TBCA: variants seen among roughly 807,000 people sequenced by gnomAD.
The protein encoded by TBCA is tubulin folding cofactor A.
Under a neutral mutation model 15.8 loss-of-function variants are expected in TBCA, and 6 were observed. That is an observed-to-expected ratio of 0.38 (90% CI 0.21 to 0.75). TBCA has a LOEUF of 0.75. Ranked by LOEUF, TBCA falls within the 30% of genes least tolerant of loss-of-function variation. The pLI is 0.46. For synonymous variants in TBCA, 32 were observed against 42.3 expected (o/e 0.76, Z 0.94); for missense variants, 90 against 131.2 (o/e 0.69, Z 1.53).
chr5:77,744,107 G>A (rs144800173), intron 1 of TBCA, among the ~76,000 whole-genome samples: 5 of 152,222 alleles, frequency 3.3e-5, no homozygotes, highest in East Asian at 3.9e-4. Flanking sequence ...CCTCCCAAAT[G>A]TAACATACTG....
In TBCA at chr5:77,715,293, G is replaced by A. The variant is rs1022250205; in HGVS notation, c.54-6946C>T. ...CCAAGAAAAGAAGCCATGAAACCAGGAAGTCCTTGTCAACATAATCCCTAA... is the reference window on the plus strand; with the variant it reads ...CCAAGAAAAGAAGCCATGAAACCAGAAAGTCCTTGTCAACATAATCCCTAA... On this transcript the variant is annotated intron_variant, in intron 1 of 3. Transcript: ENST00000380377. The A allele has an allele frequency of 2.4e-5, 17 of 702,186 alleles. No homozygotes were observed. In the Admixed American group the frequency reaches 2.8e-4, roughly 12 times the overall value. The allele number at this position is 702,186 out of a possible 1,614,324, so 43.5% of individuals were successfully genotyped here. A position where few individuals can be genotyped will look rare whatever the true frequency, so the allele number is the denominator to read the frequency against.
chr5:77,715,963 T>C (rs1402843705), intron 1 of TBCA, among the ~76,000 whole-genome samples: 2 of 152,192 alleles, frequency 1.3e-5, no homozygotes, highest in Admixed American at 6.5e-5. Context: ...AAACGAACAG[T>C]ATATTTAAGA....
At chr5:77,766,312 C>T (rs73141715) in intron 1 of TBCA, among the ~76,000 whole-genome samples, 7,441 of 152,124 alleles carry the variant, frequency 0.049, 489 homozygotes, top group African/African-American at 0.15. Context: ...CCACAATAGA[C>T]TAGTCTCTTC....
intron 1 of TBCA, among the ~76,000 whole-genome samples, chr5:77,714,567 T>C (rs986807841): frequency 2.4e-5 from 3 of 122,586 alleles, no homozygotes; most frequent in Non-Finnish European, 5.4e-5. Flanking sequence ...ATTACTATTA[T>C]TATTATTATT....
chr5:77,745,428 C>A (rs1747163897), intron 1 of TBCA, among the ~76,000 whole-genome samples: 1 of 152,132 alleles, frequency 6.6e-6, no homozygotes, highest in Non-Finnish European at 1.5e-5. Flanking sequence ...AAATTAGTCA[C>A]AACTTTAGTT....
intron 2 of TBCA, among the ~76,000 whole-genome samples, chr5:77,706,807 T>TC (rs1202364844): frequency 1.1e-5 from 1 of 94,890 alleles, no homozygotes; most frequent in African/African-American, 4.5e-5. Context: ...CAAGACTCCA[T>TC]CTTAAAAAAA....
chr5:77,754,127 G>A (rs775366996), intron 1 of TBCA, among the ~76,000 whole-genome samples: 11 of 152,056 alleles, frequency 7.2e-5, no homozygotes, highest in Non-Finnish European at 1.0e-4. Flanking sequence ...CAGCATGTCT[G>A]GACTCTATGG....
At chr5:77,703,945 A>C (rs1270092173) in intron 2 of TBCA, among the ~76,000 whole-genome samples, 1 of 151,980 alleles carries the variant, frequency 6.6e-6, no homozygotes, top group Non-Finnish European at 1.5e-5. Context: ...ATGAGATCAG[A>C]GGGTTTCAAA....
intron 2 of TBCA, among the ~76,000 whole-genome samples, chr5:77,693,966 A>G (rs576785687): frequency 6.6e-6 from 1 of 152,354 alleles, no homozygotes; most frequent in East Asian, 1.9e-4. Context: ...AAGGCTATTT[A>G]AAATAAACTA....
intron 2 of TBCA, among the ~76,000 whole-genome samples, chr5:77,706,810 TAAAA>T (rs370852221): frequency 9.2e-6 from 1 of 108,444 alleles, no homozygotes; most frequent in Non-Finnish European, 1.8e-5. Context: ...GACTCCATCT[TAAAA>T]AAAAAAAAAA....
rs761180601 is a variant in TBCA at position 77,714,572 on chromosome 5, A to ATTTTT, written c.54-6226_54-6225insAAAAA. Among the ~76,000 whole-genome samples, 525 of 126,886 alleles carry ATTTTT rather than the reference A, an allele frequency of 4.1e-3. 1 individual carries two copies. The highest frequency in any genetic ancestry group is 5.6e-3 in the Non-Finnish European group (302 of 54,394). 83.2% of individuals were successfully genotyped at this position (126,886 alleles called of 152,430 possible). A position where few individuals can be genotyped will look rare whatever the true frequency, so the allele number is the denominator to read the frequency against. On this transcript the variant is annotated intron_variant, in intron 1 of 3. Transcript: ENST00000380377. ...CTTAACAATTATTACTATTATTATT[A>ATTTTT]TTATTTTTTTTTGAGATGGAGTCTG...
chr5:77,741,129 T>G (rs554073341), intron 1 of TBCA, among the ~76,000 whole-genome samples: 21 of 152,278 alleles, frequency 1.4e-4, no homozygotes, highest in African/African-American at 5.1e-4. Flanking sequence ...TTTTTACTGC[T>G]ACTACTAAGA....
chr5:77,702,893 T>C (rs1746054493), intron 2 of TBCA, among the ~76,000 whole-genome samples: 1 of 152,208 alleles, frequency 6.6e-6, no homozygotes, highest in African/African-American at 2.4e-5. Context: ...TTATTTTCCA[T>C]ATTTTTACTA....
intron 1 of TBCA, among the ~76,000 whole-genome samples, chr5:77,711,402 T>C (rs537810530): frequency 1.2e-4 from 18 of 152,138 alleles, no homozygotes; most frequent in Non-Finnish European, 2.5e-4. Flanking sequence ...TACTTAATTA[T>C]ATCAGCATTA....
chr5:77,757,813 T>C (rs462045), intron 1 of TBCA, among the ~76,000 whole-genome samples: 66,996 of 152,090 alleles, frequency 0.44, 14,931 homozygotes, highest in East Asian at 0.53. Context: ...CCTGATGACA[T>C]GTGCCCAAGG....
chr5:77,744,724 C>CG (rs1310530676), intron 1 of TBCA, among the ~76,000 whole-genome samples: 2 of 151,566 alleles, frequency 1.3e-5, no homozygotes, highest in Admixed American at 1.3e-4. Context: ...TTAGTAGAGA[C>CG]GGGGTTTCAC....
At chr5:77,746,148 C>T (rs1747180813) in intron 1 of TBCA, among the ~76,000 whole-genome samples, 1 of 152,026 alleles carries the variant, frequency 6.6e-6, no homozygotes, top group African/African-American at 2.4e-5. Context: ...CTGTTTCAGG[C>T]CCGGCCGTGG....
chr5:77,698,883 G>T (rs994283719), intron 2 of TBCA, among the ~76,000 whole-genome samples: 1 of 151,832 alleles, frequency 6.6e-6, no homozygotes, highest in East Asian at 1.9e-4. Flanking sequence ...GAAAGAAAAT[G>T]AATATAATCC....
intron 1 of TBCA, among the ~76,000 whole-genome samples, chr5:77,745,725 T>A (rs1257072906): frequency 2.0e-5 from 3 of 152,194 alleles, no homozygotes; most frequent in Non-Finnish European, 2.9e-5. Context: ...ATTCTATAAA[T>A]ACCTGTTGAA....
Sources: allele counts gnomAD v4.1 joint callset (sites outside exome capture counted in the v4.1 genomes callset), GRCh38; gene constraint gnomAD v4.1.1; transcripts MANE v1.5; gene names NCBI Gene and HGNC (gene_info 2026-07-23, HGNC 2026-07-21).